OCLN: variants seen among roughly 807,000 people sequenced by gnomAD.
The protein encoded by OCLN is phosphatase 1, regulatory subunit 115.
In OCLN, 21 loss-of-function variants were observed where a neutral mutation model predicts 47.9. The ratio of observed to expected loss-of-function variants is 0.44; its 90% confidence interval spans 0.31 to 0.63. The LOEUF (loss-of-function observed/expected upper bound fraction) is 0.63. Among genes scored for constraint, OCLN ranks in the 30% least tolerant of loss-of-function variants. The pLI is 0.08. For missense variants in OCLN, 360 were observed against 571.0 expected, an observed-to-expected ratio of 0.63 and a Z score of 3.77; for synonymous variants, 117 against 198.4, an observed-to-expected ratio of 0.59 and a Z score of 3.45.
intron 4 of OCLN, among the ~76,000 whole-genome samples, chr5:69,524,924 T>C (rs1395075655): frequency 6.6e-6 from 1 of 152,128 alleles, no homozygotes; most frequent in East Asian, 1.9e-4. Flanking sequence ...TGACCTCAAG[T>C]GATCCACCTG....
intron 2 of OCLN, among the ~76,000 whole-genome samples, chr5:69,506,597 T>A (rs757296489): frequency 7.2e-5 from 11 of 152,200 alleles, no homozygotes; most frequent in Admixed American, 3.9e-4. Flanking sequence ...GCTCCCATCC[T>A]GAAGCTTCCT....
At chr5:69,497,767 T>A (rs1270120309) in intron 1 of OCLN, among the ~76,000 whole-genome samples, 4 of 152,216 alleles carry the variant, frequency 2.6e-5, no homozygotes, top group African/African-American at 9.7e-5. Context: ...GTTTTGTTTG[T>A]TCTTTTTAAT....
intron 1 of OCLN, among the ~76,000 whole-genome samples, chr5:69,502,155 T>C (rs1768476042): frequency 1.3e-5 from 2 of 150,410 alleles, no homozygotes; most frequent in Non-Finnish European, 2.9e-5. Context: ...GCTGAGATCA[T>C]GCCATTGCAT....
rs994090663 is a variant in OCLN, at chr5:69,493,378, A to G, written c.-69+478A>G. Among the ~76,000 whole-genome samples the G allele has an allele frequency of 2.0e-5, 3 of 151,222 alleles. No individual in the cohort carries two copies. The highest frequency in any genetic ancestry group is 6.6e-5 in the Admixed American group (1 of 15,198). ...CCCGGGCGGCTTAGATCCCGGGGGG[A>G]ATTTCATTCCTTCCGCTCCCACCCC... On this transcript the variant is annotated intron_variant, in intron 1 of 8. Transcript: ENST00000396442. The surrounding 1 kb of genome is among the most constrained non-coding windows in gnomAD (Gnocchi z 5.3).
At chr5:69,504,053 T>C (rs1469074829) in intron 1 of OCLN, 124 bp from the exon 2 acceptor site, 9 of 627,632 alleles carry the variant, frequency 1.4e-5, no homozygotes, top group Admixed American at 1.1e-4. Context: ...TGAGCTGTGA[T>C]TGGACCACTG....
intron 1 of OCLN, 112 bp from the exon 2 acceptor site, chr5:69,504,065 A>C: frequency 1.6e-6 from 1 of 641,414 alleles, no homozygotes; most frequent in Middle Eastern, 2.9e-4. Context: ...GGACCACTGC[A>C]CTCCAGCCTG....
Position 69,553,758 on chromosome 5 carries a change from C to T in OCLN, c.*87C>T, listed in dbSNP as rs972190910. 53 of 1,586,956 alleles carry T rather than the reference C, an allele frequency of 3.3e-5. No homozygotes were observed. Among genetic ancestry groups the T allele is most frequent in the South Asian group, 5.6e-5 (5 of 89,454 alleles). On this transcript the variant is annotated 3_prime_UTR_variant, in exon 9 of 9. Transcript: ENST00000396442. The stretch of plus-strand genomic sequence containing the variant: ...GGCAAATGACTTTGGACCATAACCC[C>T]GGAAGCCAAACCTCTGTGAGCATCA...
intron 1 of OCLN, among the ~76,000 whole-genome samples, chr5:69,494,293 T>C (rs1040877388): frequency 6.6e-6 from 1 of 152,182 alleles, no homozygotes; most frequent in African/African-American, 2.4e-5. Flanking sequence ...GTTCAAGCGA[T>C]TCTCCTGCTC....
intron 4 of OCLN, among the ~76,000 whole-genome samples, chr5:69,522,834 C>G (rs537387269): frequency 6.6e-5 from 10 of 151,676 alleles, no homozygotes; most frequent in African/African-American, 2.4e-4. Context: ...TCAAGCAGTC[C>G]TCCCACCTCA....
Position 69,521,112 on chromosome 5 carries a change from C to T in OCLN, c.891+7003C>T, listed in dbSNP as rs563657207. Among the ~76,000 whole-genome samples, 10 of 152,334 alleles carry T rather than the reference C, an allele frequency of 6.6e-5. No individual in the cohort carries two copies. The South Asian group carries it at 2.1e-3, about 32-fold the overall frequency. ...TCGGCCTCCCAAAGTGCTGGGATTACAGGCATGAGCCACCGTGCCTAGCCA... is the reference window on the plus strand; with the variant it reads ...TCGGCCTCCCAAAGTGCTGGGATTATAGGCATGAGCCACCGTGCCTAGCCA... On this transcript the variant is annotated intron_variant, in intron 4 of 8. Transcript: ENST00000396442.
chr5:69,505,832 A>T (rs1307550454), intron 2 of OCLN, among the ~76,000 whole-genome samples: 1 of 152,210 alleles, frequency 6.6e-6, no homozygotes, highest in African/African-American at 2.4e-5. Context: ...GTGACCTCTG[A>T]TCACCAGAAT....
At chr5:69,505,466 T>C (rs1768574644) in intron 2 of OCLN, among the ~76,000 whole-genome samples, 1 of 152,158 alleles carries the variant, frequency 6.6e-6, no homozygotes, top group Non-Finnish European at 1.5e-5. Flanking sequence ...TAAGCAACTA[T>C]TGGTCTACTT....
At chr5:69,495,671 G>A (rs1768268252) in intron 1 of OCLN, among the ~76,000 whole-genome samples, 2 of 152,088 alleles carry the variant, frequency 1.3e-5, no homozygotes, top group Non-Finnish European at 2.9e-5. Context: ...GGTCAAAATA[G>A]ACATTTGATG....
At chr5:69,499,289 A>G (rs1768391095) in intron 1 of OCLN, among the ~76,000 whole-genome samples, 1 of 151,870 alleles carries the variant, frequency 6.6e-6, no homozygotes, top group Non-Finnish European at 1.5e-5. Context: ...TGCTGTGGTC[A>G]GTCTTGGACT....
intron 4 of OCLN, among the ~76,000 whole-genome samples, chr5:69,533,809 C>T (rs999475643): frequency 6.6e-6 from 1 of 152,098 alleles, no homozygotes; most frequent in East Asian, 1.9e-4. Context: ...CATGCCACCA[C>T]GCCCAGCTAA....
chr5:69,549,442 ATAT>A (rs1275807406), intron 7 of OCLN, among the ~76,000 whole-genome samples: 1 of 148,588 alleles, frequency 6.7e-6, no homozygotes, highest in South Asian at 2.1e-4. Context: ...TATCACCAAA[ATAT>A]TAGTTAAAAC....
chr5:69,519,569 CCAGTTTGT>C (rs1246271310), intron 4 of OCLN, among the ~76,000 whole-genome samples: 6 of 152,040 alleles, frequency 3.9e-5, no homozygotes, highest in Non-Finnish European at 7.4e-5. Context: ...CAGATGGATA[CCAGTTTGT>C]ATTTTAAATG....
intron 3 of OCLN, among the ~76,000 whole-genome samples, chr5:69,510,113 C>A (rs987302087): frequency 1.3e-5 from 2 of 152,184 alleles, no homozygotes; most frequent in Admixed American, 1.3e-4. Flanking sequence ...TACCCGTTAG[C>A]GGTCACTCCT....
At chr5:69,518,235 C>T (rs960802779) in intron 4 of OCLN, among the ~76,000 whole-genome samples, 1 of 152,072 alleles carries the variant, frequency 6.6e-6, no homozygotes, top group Non-Finnish European at 1.5e-5. Flanking sequence ...AATTTGATAG[C>T]CTGTGGGTTG....
Sources: allele counts gnomAD v4.1 joint callset (sites outside exome capture counted in the v4.1 genomes callset), GRCh38; gene constraint gnomAD v4.1.1; non-coding constraint Gnocchi (gnomAD v3.1); transcripts MANE v1.5; gene names NCBI Gene and HGNC (gene_info 2026-07-23, HGNC 2026-07-21).